FUBP1: variants seen among roughly 807,000 people sequenced by gnomAD.
FUBP1 encodes the protein far upstream element-binding protein 1.
Under a neutral mutation model 94.9 loss-of-function variants are expected in FUBP1, and 16 were observed. The ratio of observed to expected loss-of-function variants is 0.17; its 90% CI spans 0.11 to 0.26. The LOEUF is 0.26. FUBP1 is among the 10% of genes least tolerant of loss of function. FUBP1 has a pLI of 1.00. For synonymous variants in FUBP1, 279 were observed against 254.9 expected, an observed-to-expected ratio of 1.09 and a Z score of -0.90; for missense variants, 583 against 808.6, an observed-to-expected ratio of 0.72 and a Z score of 3.38.
At position 77,947,499 on chromosome 1, in the gene FUBP1, C is replaced by G; in HGVS notation, c.*1267G>C. The G allele has an allele frequency of 7.5e-7, 1 of 1,328,030 alleles. No homozygotes were observed. Among genetic ancestry groups the G allele is most frequent in the Non-Finnish European group, 1.0e-6 (1 of 1,004,310 alleles). The allele number at this position is 1,328,030 out of a possible 1,614,324, so 82.3% of individuals were successfully genotyped here. On this transcript the variant is annotated 3_prime_UTR_variant, in exon 20 of 20. Coordinates refer to ENST00000370768, the MANE Select transcript of FUBP1 (RefSeq NM_003902.5). Reference sequence around the variant, plus strand: ...ACACAATCAAGGATGATACACAGCACAGTCCTCCTCACCCCTACAGAGCTA... The same window carrying G: ...ACACAATCAAGGATGATACACAGCAGAGTCCTCCTCACCCCTACAGAGCTA...
chr1:77,968,623 G>A (rs1228993247), intron 2 of FUBP1, among the ~76,000 whole-genome samples: 1 of 150,122 alleles, frequency 6.7e-6, no homozygotes, highest in Non-Finnish European at 1.5e-5. Flanking sequence ...GTATCTGACA[G>A]TGACCACAAA....
In FUBP1 at chr1:77,944,943, C is replaced by A. The variant is rs541030426; in HGVS notation, c.*3823G>T. Among the ~76,000 whole-genome samples the A allele has an allele frequency of 7.2e-5, 11 of 152,012 alleles. No individual in the cohort carries two copies. The East Asian group carries it at 2.1e-3, about 29-fold the overall frequency. On this transcript the variant is annotated 3_prime_UTR_variant, in exon 20 of 20. Transcript: ENST00000370768. ...CCACACTAAGCTGTCTTAAAAAAAA[C>A]TAAAAACATTGTCAAATTTTTGTTT...
At position 77,962,327 on chromosome 1, in the gene FUBP1, C is replaced by T. The variant is rs896695140; in HGVS notation, c.1344+443G>A. On this transcript the variant is annotated intron_variant, in intron 14 of 19. Coordinates refer to ENST00000370768, the MANE Select transcript of FUBP1 (RefSeq NM_003902.5). ...CAAATAGTCTACATTTTAATACCCC[C>T]AGATGATCTGTGAGCCAGTCCAAAA... Among the ~76,000 whole-genome samples, 5 of 152,278 alleles carry T rather than the reference C, an allele frequency of 3.3e-5. 1 individual carries two copies. Among genetic ancestry groups the T allele is most frequent in the Admixed American group, 3.3e-4 (5 of 15,294 alleles).
intron 10 of FUBP1, 95 bp from the exon 11 acceptor site, chr1:77,964,451 G>T: frequency 1.3e-6 from 1 of 764,190 alleles, no homozygotes; most frequent in Non-Finnish European, 2.1e-6. Context: ...CTGAAAATCT[G>T]CCTCAAATCA....
upstream of FUBP1, chr1:77,979,317 C>T (rs1659387778): frequency 8.7e-6 from 3 of 343,820 alleles, no homozygotes; most frequent in Non-Finnish European, 1.1e-5. Flanking sequence ...ATTGTTCCTG[C>T]AGGGTGGTGG....
chr1:77,962,694 G>A, intron 14 of FUBP1, 76 bp downstream of exon 14: 2 of 836,892 alleles, frequency 2.4e-6, no homozygotes, highest in South Asian at 4.1e-5. Context: ...TTCCTTTGAT[G>A]TATTTGAATA....
intron 1 of FUBP1, among the ~76,000 whole-genome samples, chr1:77,971,898 G>A (rs1274673332): frequency 1.3e-5 from 2 of 151,512 alleles, no homozygotes; most frequent in African/African-American, 2.4e-5. Context: ...CCAGCTACTC[G>A]GGAGGCTCAG....
In FUBP1 at chr1:77,948,591, T is replaced by A. The variant is rs573448436; in HGVS notation, c.*175A>T. On this transcript the variant is annotated 3_prime_UTR_variant, in exon 20 of 20. Transcript: ENST00000370768. ...TCATTTCTACACAGAAATATTAACCTCCTATCAGTAGTGATAGATATTTTG... is the reference window on the plus strand; with the variant it reads ...TCATTTCTACACAGAAATATTAACCACCTATCAGTAGTGATAGATATTTTG... 2.1e-5 allele frequency: 25 copies of A among 1,164,352 alleles called. No individual in the cohort carries two copies. The highest frequency in any genetic ancestry group is 3.1e-4 in the Middle Eastern group (1 of 3,214). 72.1% of individuals were successfully genotyped at this position (1,164,352 alleles called of 1,614,324 possible). A position where few individuals can be genotyped will look rare whatever the true frequency, so the allele number is the denominator to read the frequency against.
intron 18 of FUBP1, among the ~76,000 whole-genome samples, chr1:77,949,613 ATAAT>A (rs1558017579): frequency 1.3e-5 from 2 of 152,084 alleles, no homozygotes; most frequent in African/African-American, 4.8e-5. Flanking sequence ...TTTTTGCCTT[ATAAT>A]TAATCGTTAA....
At position 77,945,765 on chromosome 1, in the gene FUBP1, T is replaced by C. The variant is rs1652001726; in HGVS notation, c.*3001A>G. 4.7e-6 allele frequency: 1 copy of C among 213,308 alleles called. No homozygotes were observed. Among genetic ancestry groups the C allele is most frequent in the South Asian group, 1.9e-4 (1 of 5,360 alleles). The allele number at this position is 213,308 out of a possible 1,614,324, so 13.2% of individuals were successfully genotyped here. A position where few individuals can be genotyped will look rare whatever the true frequency, so the allele number is the denominator to read the frequency against. On this transcript the variant is annotated 3_prime_UTR_variant, in exon 20 of 20. Transcript: ENST00000370768. ...AAACAAAACTGATAAGATGCTGCTT[T>C]CATACATTCAACTTAACTCAAAATA...
In FUBP1 at chr1:77,965,248, A is replaced by G; in HGVS notation, c.474-17T>C. 6.4e-7 allele frequency: 1 copy of G among 1,567,960 alleles called. No individual in the cohort carries two copies. The highest frequency in any genetic ancestry group is 8.8e-7 in the Non-Finnish European group (1 of 1,142,058). On this transcript the variant is annotated splice_polypyrimidine_tract_variant and intron_variant, in intron 7 of 19. Transcript: ENST00000370768. ...TTTGCTGACCTGTTAACAAATTAAT[A>G]TTTAAATAGTAAGCTGTAGCATACC...
At chr1:77,967,564 G>A (rs551662810) in intron 4 of FUBP1, 63 bp downstream of exon 4, 2 of 1,244,986 alleles carry the variant, frequency 1.6e-6, no homozygotes, top group Admixed American at 1.8e-5. Context: ...CAATGTGGTT[G>A]TGTTTTTACA....
Position 77,948,398 on chromosome 1 carries a change from G to A in FUBP1, c.*368C>T, listed in dbSNP as rs965588157. The A allele has an allele frequency of 2.8e-6, 3 of 1,074,434 alleles. No individual in the cohort carries two copies. Among genetic ancestry groups the A allele is most frequent in the Non-Finnish European group, 3.4e-6 (3 of 882,628 alleles). The allele number at this position is 1,074,434 out of a possible 1,614,324, so 66.6% of individuals were successfully genotyped here. Reference sequence around the variant, plus strand: ...TAAATACCCACATATCCAACTTACCGACACAGGAGGTTTCATATCATTTAT... The same window carrying A: ...TAAATACCCACATATCCAACTTACCAACACAGGAGGTTTCATATCATTTAT... On this transcript the variant is annotated 3_prime_UTR_variant, in exon 20 of 20. Coordinates refer to ENST00000370768, the MANE Select transcript of FUBP1 (RefSeq NM_003902.5).
chr1:77,973,054 T>C (rs1051773901), intron 1 of FUBP1, among the ~76,000 whole-genome samples: 1 of 151,064 alleles, frequency 6.6e-6, no homozygotes, highest in African/African-American at 2.4e-5. Context: ...GAACTGTAGA[T>C]TTGATAATTT....
chr1:77,965,265 T>C (rs1656264374), intron 7 of FUBP1, 34 bp from the exon 8 acceptor site: 5 of 1,435,736 alleles, frequency 3.5e-6, no homozygotes, highest in East Asian at 2.3e-5. Flanking sequence ...TAGTAAGCTG[T>C]AGCATACCCA....
intron 13 of FUBP1, 116 bp downstream of exon 13, chr1:77,963,458 C>A (rs1571300697): frequency 1.7e-6 from 1 of 572,428 alleles, no homozygotes; most frequent in East Asian, 3.0e-5. Flanking sequence ...CATAAGAATT[C>A]TTTTCTACTA....
At chr1:77,973,236 T>C (rs577440308) in intron 1 of FUBP1, among the ~76,000 whole-genome samples, 1 of 152,250 alleles carries the variant, frequency 6.6e-6, no homozygotes, top group African/African-American at 2.4e-5. Context: ...GGGAAACTTT[T>C]TACTTTATTT....
intron 16 of FUBP1, among the ~76,000 whole-genome samples, chr1:77,957,058 T>C (rs1483757204): frequency 2.6e-5 from 4 of 152,178 alleles, no homozygotes; most frequent in African/African-American, 7.2e-5. Flanking sequence ...AACAGCTCTA[T>C]CTAGAAGATG....
Position 77,964,292 on chromosome 1 carries a change from AT to A in FUBP1, c.901del (p.Ile301TyrfsTer22). 6.2e-7 allele frequency: 1 copy of A among 1,609,564 alleles called. No homozygotes were observed. The highest frequency in any genetic ancestry group is 8.5e-7 in the Non-Finnish European group (1 of 1,178,598). ...IGRNGEMIKKIQNDAGVRIQF... is the reference protein window; with the variant it reads ...IGRNGEMIKKXQNDAGVRIQF... ...AATGCGAACACCAGCATCATTTTGT[AT>A]TTTTTTGATCATCTCTCCATTTCTT... On this transcript the variant is annotated frameshift_variant, in exon 11 of 20. Coordinates refer to ENST00000370768, the MANE Select transcript of FUBP1 (RefSeq NM_003902.5). LOFTEE classifies it high-confidence loss of function.
Sources: gnomAD v4.1 joint callset for allele counts (sites outside exome capture counted in the v4.1 genomes callset) on GRCh38, gnomAD v4.1.1 for gene constraint, MANE v1.5 for transcripts, NCBI Gene and HGNC (gene_info 2026-07-23, HGNC 2026-07-21) for gene names.